The following TRAM1 variants were observed in gnomAD, a reference collection of about 807,000 sequenced individuals.
The protein encoded by TRAM1 is translocation associated membrane protein 1, also known as translocating chain-associated membrane protein 1.
Under a neutral mutation model 48.7 loss-of-function variants are expected in TRAM1, and 17 were observed. That is an observed-to-expected ratio of 0.35 (90% CI 0.24 to 0.52). The LOEUF is 0.52. TRAM1 is among the 20% of genes least tolerant of loss of function. The probability of loss-of-function intolerance (pLI) is 0.94; values close to 1 mark genes in which losing one functional copy is unlikely to be tolerated. For synonymous variants in TRAM1, 182 were observed against 154.0 expected (o/e 1.18, Z -1.34); for missense variants, 351 against 441.5 (o/e 0.79, Z 1.84).
rs539944885 is a variant in TRAM1, at chr8:70,574,261, T to C, written c.*671A>G. 3.1e-5 allele frequency: 13 copies of C among 413,652 alleles called. No individual in the cohort carries two copies. The highest frequency in any genetic ancestry group is 1.7e-4 in the East Asian group (2 of 11,982). 25.6% of individuals were successfully genotyped at this position (413,652 alleles called of 1,614,324 possible). On this transcript the variant is annotated 3_prime_UTR_variant, in exon 11 of 11. Transcript: ENST00000262213. ...GTATTGAAAATGCACAAGAAAGATT[T>C]TACTTCACAAGTACTTTTAAGAATA...
At chr8:70,577,876 C>T (rs965176345) in intron 10 of TRAM1, among the ~76,000 whole-genome samples, 1 of 152,242 alleles carries the variant, frequency 6.6e-6, no homozygotes, top group African/African-American at 2.4e-5. Context: ...CAGCGGAAGC[C>T]GCATGCAGTA....
chr8:70,576,073 AAAAAAAG>A (rs1816944217), intron 10 of TRAM1, among the ~76,000 whole-genome samples: 1 of 69,930 alleles, frequency 1.4e-5, no homozygotes, highest in South Asian at 3.2e-4. Flanking sequence ...TCCATCTAAA[AAAAAAAG>A]AAAAAAAAAA....
rs898469398 is a variant in TRAM1, at chr8:70,573,224, TA to T, written c.*1707del. Among the ~76,000 whole-genome samples, 1 of 152,196 alleles carries T rather than the reference TA, an allele frequency of 6.6e-6. No homozygotes were observed. Among genetic ancestry groups the T allele is most frequent in the Non-Finnish European group, 1.5e-5 (1 of 68,028 alleles). ...ATAAAGAGACACCTTTAGGTTAGTT[TA>T]ATCCAGTGATTCCCAGATTTATTTG... is the stretch of plus-strand genomic sequence containing the variant. On this transcript the variant is annotated 3_prime_UTR_variant, in exon 11 of 11. Transcript: ENST00000262213.
At chr8:70,596,399 C>G in intron 4 of TRAM1, 78 bp from the exon 5 acceptor site, 1 of 1,067,208 alleles carries the variant, frequency 9.4e-7, no homozygotes, top group Non-Finnish European at 1.4e-6. Context: ...TTTCATTTCT[C>G]AAACATTTAC....
Position 70,600,394 on chromosome 8 carries a change from T to C in TRAM1, c.124-312A>G, listed in dbSNP as rs1817582572. Among the ~76,000 whole-genome samples, 5 of 152,176 alleles carry C rather than the reference T, an allele frequency of 3.3e-5. No individual in the cohort carries two copies. The South Asian group carries it at 1.0e-3, about 31-fold the overall frequency. ...GATTCTCTACTCTAGCCCTATACAA[T>C]GAATAAAAAGTTCCTATTAAGACAA... On this transcript the variant is annotated intron_variant, in intron 1 of 10. Transcript: ENST00000262213.
At chr8:70,591,070 A>C (rs572778716) in intron 6 of TRAM1, among the ~76,000 whole-genome samples, 30 of 152,244 alleles carry the variant, frequency 2.0e-4, no homozygotes, top group African/African-American at 7.2e-4. Context: ...CTAACTTAAC[A>C]AACACCCTAC....
chr8:70,579,202 A>T (rs1214193353), intron 10 of TRAM1, among the ~76,000 whole-genome samples: 14 of 152,242 alleles, frequency 9.2e-5, no homozygotes, highest in Admixed American at 8.5e-4. Flanking sequence ...AGCCTACCAC[A>T]CACCCAGGCT....
intron 1 of TRAM1, among the ~76,000 whole-genome samples, chr8:70,603,096 A>G (rs1010348512): frequency 4.6e-5 from 7 of 152,174 alleles, no homozygotes; most frequent in African/African-American, 1.7e-4. Flanking sequence ...AGGCTACTCT[A>G]TTAAAATTTG....
intron 10 of TRAM1, among the ~76,000 whole-genome samples, chr8:70,582,519 GA>G (rs75737537): frequency 0.025 from 2,433 of 98,864 alleles, 22 homozygotes; most frequent in Middle Eastern, 0.028. Context: ...GGACAAACTT[GA>G]AAAAAAAAAA....
rs1816886539 is a variant in TRAM1 at position 70,574,091 on chromosome 8, T to C, written c.*841A>G. The C allele has an allele frequency of 1.6e-5, 4 of 252,872 alleles. No individual in the cohort carries two copies. The highest frequency in any genetic ancestry group is 7.1e-5 in the African/African-American group (3 of 42,138). The allele number at this position is 252,872 out of a possible 1,614,324, so 15.7% of individuals were successfully genotyped here. The stretch of plus-strand genomic sequence containing the variant: ...AGTAGGCATTATGTTTTAAAAGTGT[T>C]TGCAGGTTAAACTTTTCTAAGATGC... On this transcript the variant is annotated 3_prime_UTR_variant, in exon 11 of 11. Transcript: ENST00000262213.
At position 70,608,365 on chromosome 8, in the gene TRAM1, G is replaced by GC. The variant is rs1178340355; in HGVS notation, c.-167dup. On this transcript the variant is annotated 5_prime_UTR_variant, in exon 1 of 11. Coordinates refer to ENST00000262213, the MANE Select transcript of TRAM1 (RefSeq NM_014294.6). ...ACAGCCAGTACGCAGCCGCCGGGCC[G>GC]CCCGGGGGAAAAAAAAAAACACAAC... 2.2e-5 allele frequency: 13 copies of GC among 598,292 alleles called. No individual in the cohort carries two copies. The East Asian group carries it at 4.0e-4, about 19-fold the overall frequency. The allele number at this position is 598,292 out of a possible 1,614,324, so 37.1% of individuals were successfully genotyped here.
chr8:70,596,189 A>C (rs1175510456), intron 5 of TRAM1, 74 bp downstream of exon 5: 4 of 1,253,346 alleles, frequency 3.2e-6, no homozygotes, highest in African/African-American at 3.1e-5. Context: ...AAAGAGAATA[A>C]CAAGAATGAA....
chr8:70,582,179 A>G (rs111650513), intron 10 of TRAM1, among the ~76,000 whole-genome samples: 447 of 152,354 alleles, frequency 2.9e-3, no homozygotes, highest in Middle Eastern at 0.014. Flanking sequence ...AGAGGTATAT[A>G]TCATGTTAAT....
At chr8:70,589,607 G>A (rs556461093) in intron 6 of TRAM1, among the ~76,000 whole-genome samples, 2 of 152,306 alleles carry the variant, frequency 1.3e-5, no homozygotes, top group South Asian at 4.1e-4. Context: ...GGAGGCTGAT[G>A]CAGGTGGATT....
chr8:70,603,343 TAC>T (rs1245171195), intron 1 of TRAM1, among the ~76,000 whole-genome samples: 10 of 147,398 alleles, frequency 6.8e-5, no homozygotes, highest in Admixed American at 4.0e-4. Context: ...CAATCTGTTT[TAC>T]ACACAAACAC....
At chr8:70,594,743 C>T (rs1486161089) in intron 5 of TRAM1, among the ~76,000 whole-genome samples, 153 bp from the exon 6 acceptor site, 4 of 152,164 alleles carry the variant, frequency 2.6e-5, no homozygotes, top group Admixed American at 6.5e-5. Flanking sequence ...TCTTCAACAA[C>T]CTCTTTCCCC....
intron 6 of TRAM1, among the ~76,000 whole-genome samples, chr8:70,588,701 GT>G (rs1232210622): frequency 3.3e-5 from 5 of 152,200 alleles, no homozygotes; most frequent in Non-Finnish European, 5.9e-5. Flanking sequence ...GATGTAAAAA[GT>G]TTTTCATCTT....
intron 1 of TRAM1, among the ~76,000 whole-genome samples, chr8:70,602,643 T>A (rs1817628422): frequency 6.6e-6 from 1 of 152,114 alleles, no homozygotes; most frequent in South Asian, 2.1e-4. Context: ...ATGGTGACTA[T>A]TTATATAGTT....
At position 70,608,166 on chromosome 8, in the gene TRAM1, G is replaced by C; in HGVS notation, c.34C>G (p.Pro12Ala). 1.3e-6 allele frequency: 2 copies of C among 1,594,292 alleles called. No homozygotes were observed. The highest frequency in any genetic ancestry group is 1.7e-6 in the Non-Finnish European group (2 of 1,171,724). The change falls in exon 1 of 11, where the codon CCA becomes GCA. Residue 12 changes from proline to alanine, a missense_variant. Transcript: ENST00000262213. ...AGGACGAATTCGTGGCTCAGCACTGGGGGGCTCTTGGTGCTTTTCTTGCGA... is the reference window on the plus strand; with the variant it reads ...AGGACGAATTCGTGGCTCAGCACTGCGGGGCTCTTGGTGCTTTTCTTGCGA... ...AIRKKSTKSP[P>A]VLSHEFVLQN...
Sources: gnomAD v4.1 joint callset for allele counts (sites outside exome capture counted in the v4.1 genomes callset) on GRCh38, gnomAD v4.1.1 for gene constraint, MANE v1.5 for transcripts, NCBI Gene and HGNC (gene_info 2026-07-23, HGNC 2026-07-21) for gene names.